Variants in CSMD3 observed in about 807,000 individuals in gnomAD.
CSMD3 encodes CUB and sushi domain-containing protein 3.
Under a neutral mutation model 435.2 loss-of-function variants are expected in CSMD3, and 177 were observed. The ratio of observed to expected loss-of-function variants is 0.41; its 90% CI spans 0.36 to 0.46. The LOEUF is 0.46. Ranked by LOEUF, CSMD3 falls within the 20% of genes least tolerant of loss-of-function variation. CSMD3 has a pLI of 0.34. For missense variants in CSMD3, 4,265 were observed against 4,504.6 expected (o/e 0.95, Z 1.52); for synonymous variants, 1,656 against 1,520.5 (o/e 1.09, Z -2.07).
At chr8:113,278,082 A>G (rs2093585286) in intron 3 of CSMD3, among the ~76,000 whole-genome samples, 1 of 152,062 alleles carries the variant, frequency 6.6e-6, no homozygotes, top group East Asian at 1.9e-4. Context: ...TCTAGGAAAA[A>G]GAAAAAACAC....
intron 2 of CSMD3, chr8:113,312,542 G>A (rs972541140): frequency 1.3e-5 from 2 of 152,126 alleles, no homozygotes; most frequent in African/African-American, 4.8e-5. Context: ...GTTTAGAAAA[G>A]CAGGAAAGAG....
At chr8:112,383,444 C>T in intron 37 of CSMD3, 123 bp downstream of exon 37, 1 of 665,926 alleles carries the variant, frequency 1.5e-6, no homozygotes, top group Non-Finnish European at 2.7e-6. Context: ...GTCCTTGTAT[C>T]TTTGTGTATA....
At chr8:112,791,494 C>T (rs1469110527) in intron 13 of CSMD3, among the ~76,000 whole-genome samples, 1 of 152,056 alleles carries the variant, frequency 6.6e-6, no homozygotes, top group Non-Finnish European at 1.5e-5. Context: ...ACATCCTTCT[C>T]TTTTTCATCT....
At chr8:112,922,595 T>A (rs2082779865) in intron 9 of CSMD3, among the ~76,000 whole-genome samples, 9 of 151,938 alleles carry the variant, frequency 5.9e-5, no homozygotes, top group Admixed American at 5.9e-4. Flanking sequence ...TTGTTTTGAT[T>A]TTTAGATCCC....
chr8:112,230,492 A>T (rs1027484817), intron 69 of CSMD3, among the ~76,000 whole-genome samples: 4 of 152,180 alleles, frequency 2.6e-5, no homozygotes, highest in African/African-American at 9.7e-5. Context: ...AAAATTTTTT[A>T]AAAAGTTCAT....
chr8:112,287,917 T>G (rs757785074), intron 57 of CSMD3, among the ~76,000 whole-genome samples: 1 of 152,070 alleles, frequency 6.6e-6, no homozygotes. Context: ...TTGATTTTAG[T>G]GTTAAAGATT....
At chr8:112,367,055 G>C (rs1275402962) in intron 38 of CSMD3, among the ~76,000 whole-genome samples, 1 of 151,760 alleles carries the variant, frequency 6.6e-6, no homozygotes, top group Non-Finnish European at 1.5e-5. Flanking sequence ...TTGTATGTCT[G>C]TAACTTAGAA....
chr8:112,749,070 T>A (rs984785869), intron 13 of CSMD3, among the ~76,000 whole-genome samples: 13 of 152,192 alleles, frequency 8.5e-5, no homozygotes, highest in African/African-American at 3.1e-4. Flanking sequence ...GCAGTTTTGA[T>A]TCACATTTCT....
chr8:112,584,653 A>C (rs1159915561), intron 23 of CSMD3, among the ~76,000 whole-genome samples: 2 of 151,766 alleles, frequency 1.3e-5, no homozygotes, highest in Admixed American at 1.3e-4. Context: ...CCTAAACTTG[A>C]TTCTCATATA....
intron 4 of CSMD3, 26 bp from the exon 5 acceptor site, chr8:113,098,989 T>C (rs2131548171): frequency 2.9e-6 from 4 of 1,401,894 alleles, no homozygotes; most frequent in African/African-American, 1.4e-5. Context: ...AAATATTCAG[T>C]TGTAAGTTAT....
intron 9 of CSMD3, among the ~76,000 whole-genome samples, chr8:112,944,997 A>G (rs1271460926): frequency 6.6e-6 from 1 of 151,672 alleles, no homozygotes; most frequent in Admixed American, 6.6e-5. Flanking sequence ...ATTATGTTCA[A>G]CTAATCACTT....
intron 34 of CSMD3, among the ~76,000 whole-genome samples, chr8:112,407,191 T>A (rs944152390): frequency 6.6e-6 from 1 of 152,000 alleles, no homozygotes; most frequent in Admixed American, 6.6e-5. Flanking sequence ...CTTTATTAGT[T>A]TCATAAAATT....
intron 10 of CSMD3, among the ~76,000 whole-genome samples, chr8:112,877,245 T>A (rs1054348866): frequency 2.1e-4 from 32 of 151,844 alleles, no homozygotes; most frequent in African/African-American, 6.5e-4. Context: ...CTTCACAGAA[T>A]TAAAAAAAAC....
At chr8:113,084,655 G>C (rs1169180408) in intron 5 of CSMD3, among the ~76,000 whole-genome samples, 2 of 134,556 alleles carry the variant, frequency 1.5e-5, no homozygotes, top group Non-Finnish European at 3.2e-5. Flanking sequence ...AATATCCAAA[G>C]CAATACTAAG....
At chr8:112,318,753 T>A in intron 47 of CSMD3, 84 bp downstream of exon 47, 1 of 831,262 alleles carries the variant, frequency 1.2e-6, no homozygotes, top group Non-Finnish European at 2.0e-6. Context: ...CATATTTATA[T>A]AGATTTTTCT....
chr8:112,752,901 G>A (rs1378248621), intron 13 of CSMD3, among the ~76,000 whole-genome samples: 1 of 4,482 alleles, frequency 2.2e-4, no homozygotes, highest in African/African-American at 1.5e-3. Context: ...TTGTTACCGC[G>A]TGTGTGTGTG....
intron 4 of CSMD3, among the ~76,000 whole-genome samples, chr8:113,153,101 A>AAAGAAAAGAAAGAAAG (rs35085690): frequency 2.0e-5 from 2 of 99,994 alleles, no homozygotes; most frequent in Admixed American, 1.0e-4. Flanking sequence ...AGAAAGAAAG[A>AAAGAAAAGAAAGAAAG]AAAGAAAGAA....
At chr8:113,265,494 T>C (rs1456417670) in intron 3 of CSMD3, among the ~76,000 whole-genome samples, 1 of 151,648 alleles carries the variant, frequency 6.6e-6, no homozygotes, top group Admixed American at 6.6e-5. Flanking sequence ...ATGGGGGTGA[T>C]AAAATATTAC....
intron 32 of CSMD3, among the ~76,000 whole-genome samples, chr8:112,433,332 G>A (rs1318423543): frequency 6.6e-6 from 1 of 151,564 alleles, no homozygotes; most frequent in Non-Finnish European, 1.5e-5. Context: ...AGATGTCTGG[G>A]GACATATTTA....
Sources: gnomAD v4.1 joint callset for allele counts (sites outside exome capture counted in the v4.1 genomes callset) on GRCh38, gnomAD v4.1.1 for gene constraint, MANE v1.5 for transcripts, NCBI Gene and HGNC (gene_info 2026-07-23, HGNC 2026-07-21) for gene names.